Variants in DACH2 observed in about 807,000 individuals in gnomAD.
The protein encoded by DACH2 is dachshund family transcription factor 2.
DACH2 carries 17 observed loss-of-function variants against 35.8 expected under a neutral mutation model. That is an observed-to-expected ratio of 0.48 (90% CI 0.33 to 0.71). The LOEUF (loss-of-function observed/expected upper bound fraction) is 0.71. DACH2 is among the 30% of genes least tolerant of loss of function. The pLI, the probability that DACH2 is intolerant of heterozygous loss-of-function variation, is 0.02. For synonymous variants in DACH2, 195 were observed against 177.3 expected, an observed-to-expected ratio of 1.10 and a Z score of -0.79; for missense variants, 469 against 472.7, an observed-to-expected ratio of 0.99 and a Z score of 0.07.
chrX:86,499,127 T>C (rs1347229314), intron 2 of DACH2, among the ~76,000 whole-genome samples: 1 of 112,295 alleles, frequency 8.9e-6, no homozygotes, highest in Non-Finnish European at 1.9e-5. Flanking sequence ...GCCAACGTTA[T>C]ATAAAAACAA....
chrX:86,449,213 G>A (rs1470531849), intron 2 of DACH2, among the ~76,000 whole-genome samples: 13 of 64,923 alleles, frequency 2.0e-4, no homozygotes, highest in Admixed American at 8.0e-4. Flanking sequence ...TCTTGCTAGC[G>A]GTCTATCAAT....
intron 1 of DACH2, among the ~76,000 whole-genome samples, chrX:86,193,985 T>C (rs1465129735): frequency 9.1e-6 from 1 of 110,423 alleles, no homozygotes; most frequent in Non-Finnish European, 1.9e-5. Flanking sequence ...ATTATTCACG[T>C]CAACTCTGCT....
intron 2 of DACH2, among the ~76,000 whole-genome samples, chrX:86,474,851 A>C (rs1326158999): frequency 9.0e-6 from 1 of 111,655 alleles, no homozygotes; most frequent in Non-Finnish European, 1.9e-5. Flanking sequence ...TTTCTGCCTC[A>C]GTTTCCTGAG....
chrX:86,616,598 C>T (rs755950670), intron 3 of DACH2, among the ~76,000 whole-genome samples: 3 of 112,009 alleles, frequency 2.7e-5, no homozygotes, highest in South Asian at 7.3e-4. Context: ...CCTTTGCCCA[C>T]TTTTTAATGG....
chrX:86,389,781 C>T (rs887514686), intron 2 of DACH2, among the ~76,000 whole-genome samples: 2 of 111,778 alleles, frequency 1.8e-5, no homozygotes, highest in Admixed American at 9.5e-5. Context: ...GTTGGGATGC[C>T]GAAATGCCAA....
At chrX:86,746,922 C>T (rs1204767882) in intron 7 of DACH2, among the ~76,000 whole-genome samples, 2 of 111,276 alleles carry the variant, frequency 1.8e-5, no homozygotes, top group African/African-American at 6.5e-5. Context: ...TGCATTTGAA[C>T]ATTCAATCAT....
intron 1 of DACH2, among the ~76,000 whole-genome samples, chrX:86,212,526 GCTGATTGGAATAT>G (rs1454921286): frequency 9.0e-6 from 1 of 110,743 alleles, no homozygotes; most frequent in Non-Finnish European, 1.9e-5. Context: ...ATCAAGCCAG[GCTGATTGGAATAT>G]CTTTAAAATT....
At chrX:86,329,008 G>T (rs1282799925) in intron 1 of DACH2, among the ~76,000 whole-genome samples, 1 of 111,472 alleles carries the variant, frequency 9.0e-6, no homozygotes, top group Non-Finnish European at 1.9e-5. Context: ...TAAATTGCTT[G>T]ATCACTCAAA....
intron 5 of DACH2, among the ~76,000 whole-genome samples, chrX:86,704,359 A>C (rs2041183819): frequency 9.0e-6 from 1 of 111,457 alleles, no homozygotes. Context: ...GAAAACATAG[A>C]AAAATCTCTT....
chrX:86,432,101 G>A (rs925309784), intron 2 of DACH2, among the ~76,000 whole-genome samples: 27 of 112,079 alleles, frequency 2.4e-4, no homozygotes, highest in Admixed American at 3.8e-4. Flanking sequence ...GGATTGACAA[G>A]CATGCTCAGC....
chrX:86,537,170 C>A (rs1355829495), intron 3 of DACH2, among the ~76,000 whole-genome samples: 2 of 111,641 alleles, frequency 1.8e-5, no homozygotes, highest in Non-Finnish European at 3.8e-5. Context: ...CTTGTACTAT[C>A]CAGTGTGTCA....
chrX:86,662,341 C>A (rs958852495), intron 4 of DACH2, among the ~76,000 whole-genome samples: 1 of 111,873 alleles, frequency 8.9e-6, no homozygotes. Flanking sequence ...CGCCTGTAAT[C>A]CCAGCACTTT....
intron 2 of DACH2, among the ~76,000 whole-genome samples, chrX:86,403,940 T>C (rs1280571624): frequency 9.1e-6 from 1 of 110,179 alleles, no homozygotes; most frequent in East Asian, 2.9e-4. Context: ...CTTCTTCACA[T>C]GGTGGCAGCA....
intron 3 of DACH2, among the ~76,000 whole-genome samples, chrX:86,529,969 ACACACACG>A (rs765194585): frequency 3.1e-4 from 14 of 44,973 alleles, no homozygotes; most frequent in Admixed American, 8.7e-4. Context: ...ACACACACAC[ACACACACG>A]CACACACACA....
At chrX:86,566,097 A>C (rs886237407) in intron 3 of DACH2, among the ~76,000 whole-genome samples, 1 of 112,126 alleles carries the variant, frequency 8.9e-6, no homozygotes, top group African/African-American at 3.2e-5. Flanking sequence ...TGGACACTAA[A>C]CTAAACAATT....
chrX:86,829,487 T>A (rs2042593626), intron 11 of DACH2: 1 of 112,437 alleles, frequency 8.9e-6, no homozygotes. Flanking sequence ...ATGTGTATTT[T>A]TTTCTGGCCT....
chrX:86,367,841 G>T (rs926379296), intron 1 of DACH2, among the ~76,000 whole-genome samples: 1 of 111,639 alleles, frequency 9.0e-6, no homozygotes, highest in African/African-American at 3.3e-5. Context: ...GTTCCATTCT[G>T]TACTTAGTTT....
At chrX:86,288,670 C>T (rs763240845) in intron 1 of DACH2, among the ~76,000 whole-genome samples, 11 of 112,072 alleles carry the variant, frequency 9.8e-5, no homozygotes, top group African/African-American at 2.9e-4. Flanking sequence ...GCTACCACTA[C>T]CATAGGCCCA....
intron 3 of DACH2, among the ~76,000 whole-genome samples, chrX:86,592,254 C>A (rs917527630): frequency 1.8e-5 from 2 of 111,319 alleles, no homozygotes; most frequent in Non-Finnish European, 3.8e-5. Flanking sequence ...TGTGGATATC[C>A]AGTATCATTT....
Sources: allele counts gnomAD v4.1 joint callset (sites outside exome capture counted in the v4.1 genomes callset), GRCh38; gene constraint gnomAD v4.1.1; transcripts MANE v1.5; gene names NCBI Gene and HGNC (gene_info 2026-07-23, HGNC 2026-07-21).